The following WWC1 variants were observed in gnomAD, a reference collection of about 807,000 sequenced individuals.
WWC1 encodes the protein WW and C2 domain containing 1, also known as protein KIBRA.
In WWC1, 55 loss-of-function variants were observed where a neutral mutation model predicts 138.4. The observed-to-expected ratio is 0.40, with a 90% CI of 0.32 to 0.50. The LOEUF (loss-of-function observed/expected upper bound fraction) is 0.50. WWC1 is among the 20% of genes least tolerant of loss of function. The pLI is 0.72. For missense variants in WWC1, 1,226 were observed against 1,420.4 expected (o/e 0.86, Z 2.20); for synonymous variants, 524 against 564.9 (o/e 0.93, Z 1.03).
chr5:168,303,566 A>T (rs1561584669), intron 1 of WWC1, among the ~76,000 whole-genome samples: 1 of 152,156 alleles, frequency 6.6e-6, no homozygotes, highest in East Asian at 1.9e-4. Flanking sequence ...CCATGTTTAC[A>T]TCATTGCAGT....
chr5:168,397,880 G>A (rs1779020363), intron 4 of WWC1, 80 bp downstream of exon 4: 2 of 1,477,200 alleles, frequency 1.4e-6, no homozygotes, highest in Non-Finnish European at 1.9e-6. Context: ...CACAAGACCA[G>A]AACAGATGCT....
chr5:168,399,849 T>C (rs1475421891), intron 5 of WWC1, among the ~76,000 whole-genome samples: 1 of 152,228 alleles, frequency 6.6e-6, no homozygotes, highest in Non-Finnish European at 1.5e-5. Context: ...CGAGTGTTAC[T>C]ATCCAGTCAC....
At chr5:168,449,171 A>G (rs1425412230) in intron 17 of WWC1, among the ~76,000 whole-genome samples, 1 of 151,882 alleles carries the variant, frequency 6.6e-6, no homozygotes, top group Non-Finnish European at 1.5e-5. Context: ...CCGCTTTGCC[A>G]CTCCAGTAGG....
At chr5:168,406,984 C>T (rs1408821476) in intron 6 of WWC1, among the ~76,000 whole-genome samples, 2 of 150,556 alleles carry the variant, frequency 1.3e-5, no homozygotes, top group Non-Finnish European at 2.9e-5. Flanking sequence ...GAGAGAGAGT[C>T]TTGCTATGTT....
At chr5:168,322,756 C>A (rs181677158) in intron 1 of WWC1, among the ~76,000 whole-genome samples, 1 of 152,316 alleles carries the variant, frequency 6.6e-6, no homozygotes, top group East Asian at 1.9e-4. Flanking sequence ...GCCACATTGT[C>A]ATCAGGGACC....
At chr5:168,407,408 A>G (rs966624366) in intron 6 of WWC1, among the ~76,000 whole-genome samples, 1 of 152,174 alleles carries the variant, frequency 6.6e-6, no homozygotes, top group African/African-American at 2.4e-5. Flanking sequence ...CCCTGTACAT[A>G]TCACCTCCCT....
At chr5:168,313,762 C>T (rs994447181) in intron 1 of WWC1, among the ~76,000 whole-genome samples, 5 of 152,150 alleles carry the variant, frequency 3.3e-5, no homozygotes, top group African/African-American at 1.2e-4. Flanking sequence ...CTGCCTGTGC[C>T]TCTTTCTAGT....
At chr5:168,298,314 C>T (rs1238039201) in intron 1 of WWC1, among the ~76,000 whole-genome samples, 1 of 152,126 alleles carries the variant, frequency 6.6e-6, no homozygotes, top group Non-Finnish European at 1.5e-5. Flanking sequence ...GTTAGGATTA[C>T]AGGTGTGAGC....
intron 3 of WWC1, among the ~76,000 whole-genome samples, chr5:168,388,480 A>G (rs1778209635): frequency 6.6e-6 from 1 of 152,196 alleles, no homozygotes; most frequent in Non-Finnish European, 1.5e-5. Context: ...GCATGTGGCA[A>G]CATATCTGCA....
intron 1 of WWC1, among the ~76,000 whole-genome samples, chr5:168,337,370 C>T (rs1035378501): frequency 6.7e-6 from 1 of 149,240 alleles, no homozygotes; most frequent in Non-Finnish European, 1.5e-5. Flanking sequence ...GACATCTCCT[C>T]TCTTTCCTAC....
At position 168,441,689 on chromosome 5, in the gene WWC1, C is replaced by A. The variant is rs1436471314; in HGVS notation, c.2288C>A (p.Ala763Asp). 1.9e-6 allele frequency: 3 copies of A among 1,613,960 alleles called. No individual in the cohort carries two copies. The highest frequency in any genetic ancestry group is 1.7e-6 in the Non-Finnish European group (2 of 1,179,930). Residue 763 changes from alanine to aspartate, a missense_variant, in exon 16 of 23, where the codon GCC (alanine) becomes GAC (aspartate). By Grantham distance (126) the Ala-to-Asp change is moderately radical. This residue lies in a region of WWC1 where 1,016 missense variants were observed against 1,153.9 expected (regional missense o/e 0.88). Transcript: ENST00000265293. ...TGTTTCCATCCCCAACAGGGAGGCGCCCAGATCAGCCTGGCGGAGGTCTGC... is the reference window on the plus strand; with the variant it reads ...TGTTTCCATCCCCAACAGGGAGGCGACCAGATCAGCCTGGCGGAGGTCTGC... ...RSHLEECLGG[A>D]QISLAEVCRS...
chr5:168,402,160 C>T (rs960772550), intron 5 of WWC1, among the ~76,000 whole-genome samples: 4 of 152,222 alleles, frequency 2.6e-5, no homozygotes, highest in African/African-American at 7.2e-5. Context: ...CTTTCTTCCC[C>T]TCCCTCTGCC....
At chr5:168,456,502 A>T (rs987236572) in intron 19 of WWC1, among the ~76,000 whole-genome samples, 10 of 152,126 alleles carry the variant, frequency 6.6e-5, no homozygotes, top group African/African-American at 2.4e-4. Context: ...ATGGTGGCAC[A>T]TGCTTGTAAT....
At chr5:168,390,313 T>G (rs201915470) in intron 3 of WWC1, among the ~76,000 whole-genome samples, 24 of 150,142 alleles carry the variant, frequency 1.6e-4, no homozygotes, top group East Asian at 1.4e-3. Context: ...GAAAAAGAGG[T>G]TTTTTTTACA....
chr5:168,334,074 A>G (rs1240114340), intron 1 of WWC1, among the ~76,000 whole-genome samples: 1 of 150,208 alleles, frequency 6.7e-6, no homozygotes, highest in Non-Finnish European at 1.5e-5. Flanking sequence ...AAAAAAAAAA[A>G]AAAGCCATGT....
At chr5:168,444,625 C>G in intron 17 of WWC1, 40 bp downstream of exon 17, 1 of 1,606,646 alleles carries the variant, frequency 6.2e-7, no homozygotes, top group Non-Finnish European at 8.5e-7. Context: ...GCTGCCCTGC[C>G]TGGACCTAGG....
chr5:168,301,161 G>A (rs1424670262), intron 1 of WWC1, among the ~76,000 whole-genome samples: 1 of 152,186 alleles, frequency 6.6e-6, no homozygotes, highest in African/African-American at 2.4e-5. Flanking sequence ...AGGAAACTGA[G>A]GCCGAGAGAC....
intron 1 of WWC1, among the ~76,000 whole-genome samples, chr5:168,332,434 G>A (rs1289253936): frequency 1.3e-5 from 2 of 152,124 alleles, no homozygotes; most frequent in African/African-American, 4.8e-5. Flanking sequence ...TTTTCTGGTT[G>A]CATCTAATAA....
intron 17 of WWC1, among the ~76,000 whole-genome samples, chr5:168,450,558 C>T (rs983065050): frequency 4.6e-5 from 7 of 151,898 alleles, no homozygotes; most frequent in African/African-American, 1.5e-4. Context: ...CCCAGCTACT[C>T]GGGAGGCTGA....
Sources: gnomAD v4.1 joint callset for allele counts (sites outside exome capture counted in the v4.1 genomes callset) on GRCh38, gnomAD v4.1.1 for gene constraint, gnomAD v4.1.1 regional missense constraint, MANE v1.5 for transcripts, NCBI Gene and HGNC (gene_info 2026-07-23, HGNC 2026-07-21) for gene names.